Variants in C1R observed in about 807,000 individuals in gnomAD.
C1R encodes complement C1r.
In C1R, 15 loss-of-function variants were observed where a neutral mutation model predicts 27.6. That is an observed-to-expected ratio of 0.54 (90% CI 0.36 to 0.84). The LOEUF is 0.84. C1R is among the 40% of genes least tolerant of loss of function. The pLI, the probability that C1R is intolerant of heterozygous loss-of-function variation, is 0.01. For missense variants in C1R, 544 were observed against 577.9 expected (o/e 0.94, Z 0.60); for synonymous variants, 253 against 228.8 (o/e 1.11, Z -0.95).
chr12:7,088,776 C>T lies in C1R; in HGVS notation c.917-45G>A, dbSNP rs745814436. 1.0e-5 allele frequency: 8 copies of T among 775,610 alleles called. No individual in the cohort carries two copies. In the South Asian group the frequency reaches 1.1e-4, roughly 11 times the overall value. The allele number at this position is 775,610 out of a possible 1,614,324, so 48.0% of individuals were successfully genotyped here. A position where few individuals can be genotyped will look rare whatever the true frequency, so the allele number is the denominator to read the frequency against. Reference sequence around the variant, plus strand: ...GCATATTTATTTCAGAGCCACTTGTCCTTCCTTCTTCCCCCCTTTTCCCCA... The same window carrying T: ...GCATATTTATTTCAGAGCCACTTGTTCTTCCTTCTTCCCCCCTTTTCCCCA... On this transcript the variant is annotated intron_variant, in intron 6 of 10. Transcript: ENST00000647956.
At position 7,080,894 on chromosome 12, in the gene C1R, C is replaced by T. The variant is rs757372137; in HGVS notation, c.1756G>A (p.Asp586Asn). Residue 586 changes from aspartate to asparagine, a missense_variant, in exon 11 of 11, where the codon GAC becomes AAC. Physicochemically the swap from Asp to Asn is conservative, Grantham distance 23. This residue lies in a region of C1R where 253 missense variants were observed against 368.9 expected (regional missense o/e 0.69). Coordinates refer to ENST00000647956, the MANE Select transcript of C1R (RefSeq NM_001733.7). This position sits in a 1 kb window ranked among gnomAD's most constrained non-coding sequence, Gnocchi z 4.9. Reference sequence around the variant, plus strand: ...CTGACATAGCCCATCAAGCCCAGGTCGTAGAAGGTATCGTTGTCAGGGAGG... The same window carrying T: ...CTGACATAGCCCATCAAGCCCAGGTTGTAGAAGGTATCGTTGTCAGGGAGG... ...ICLPDNDTFY[D>N]LGLMGYVSGF... is the part of the protein sequence containing the mutation. 3.7e-6 allele frequency: 6 copies of T among 1,613,470 alleles called. No individual in the cohort carries two copies. The highest frequency in any genetic ancestry group is 2.2e-5 in the South Asian group (2 of 91,078).
chr12:7,086,279 GGA>G (rs1469578148), intron 8 of C1R, 98 bp downstream of exon 8: 1 of 397,720 alleles, frequency 2.5e-6, no homozygotes, highest in African/African-American at 2.1e-5. Context: ...AGGGTCTCTT[GGA>G]AAGAGGCTTA....
Position 7,085,408 on chromosome 12 carries a change from G to C in C1R, c.1273+453C>G, listed in dbSNP as rs1228436109. On this transcript the variant is annotated intron_variant, in intron 9 of 10. Coordinates refer to ENST00000647956, the MANE Select transcript of C1R (RefSeq NM_001733.7). ...TGATGGTGGCATCGGTGTTAGTAATGGTGGTGGTGATAGTGGTGTTGGTAA... is the reference window on the plus strand; with the variant it reads ...TGATGGTGGCATCGGTGTTAGTAATCGTGGTGGTGATAGTGGTGTTGGTAA... 2.6e-5 allele frequency among the ~76,000 whole-genome samples: 4 copies of C among 151,814 alleles called. No homozygotes were observed. In the East Asian group the frequency reaches 7.7e-4, roughly 29 times the overall value.
Position 7,085,909 on chromosome 12 carries a change from G to A in C1R, c.1225C>T (p.Pro409Ser), listed in dbSNP as rs1313428705. 1 of 398,516 alleles carries A rather than the reference G, an allele frequency of 2.5e-6. No individual in the cohort carries two copies. Among genetic ancestry groups the A allele is most frequent in the East Asian group, 3.6e-5 (1 of 28,102 alleles). 24.7% of individuals were successfully genotyped at this position (398,516 alleles called of 1,614,324 possible). A position where few individuals can be genotyped will look rare whatever the true frequency, so the allele number is the denominator to read the frequency against. The change falls in exon 9 of 11, where the codon CCA (proline) becomes TCA (serine). Residue 409 changes from proline (P) to serine (S), a missense_variant. By Grantham distance (74) the Pro-to-Ser change is moderately conservative (BLOSUM62 -1). Coordinates refer to ENST00000647956, the MANE Select transcript of C1R (RefSeq NM_001733.7). The stretch of plus-strand genomic sequence containing the variant: ...GCTCTGGTCTGCATCTTGTAATATG[G>A]CTCATGGCAGTAGTACTGGATACGG... ...KARIQYYCHE[P>S]YYKMQTRAGS...
In C1R at chr12:7,091,610, A is replaced by G. The variant is rs771877169; in HGVS notation, c.73T>C (p.Leu25=). ...AGGSIPIPQK[L]FGEVTSPLFP... ...AGAGGGGAAGTCACCTCCCCAAATA[A>G]CTTCTGAGGGATGGGAATGGAGCCT... Residue 25 remains leucine, a synonymous_variant, in exon 2 of 11, where the codon TTA becomes CTA. Coordinates refer to ENST00000647956, the MANE Select transcript of C1R (RefSeq NM_001733.7). The surrounding 1 kb of genome is among the most constrained non-coding windows in gnomAD (Gnocchi z 5.1). The G allele has an allele frequency of 1.3e-6, 1 of 765,936 alleles. No individual in the cohort carries two copies. Among genetic ancestry groups the G allele is most frequent in the South Asian group, 1.4e-5 (1 of 71,946 alleles). The allele number at this position is 765,936 out of a possible 1,614,324, so 47.4% of individuals were successfully genotyped here.
In C1R at chr12:7,080,751, G is replaced by A. The variant is rs1186406980; in HGVS notation, c.1899C>T (p.Phe633=). ...GTCCAGCACAGAACATGTTTTGAGA[G>A]AACACATCCATCCTATTCTTTCCCC... The part of the protein sequence containing the change: ...WLRGKNRMDV[F]SQNMFCAGHP... Residue 633 remains phenylalanine (F), a synonymous_variant, in exon 11 of 11, where the codon TTC becomes TTT. Coordinates refer to ENST00000647956, the MANE Select transcript of C1R (RefSeq NM_001733.7). This position sits in a 1 kb window ranked among gnomAD's most constrained non-coding sequence, Gnocchi z 4.9. 5 of 1,613,870 alleles carry A rather than the reference G, an allele frequency of 3.1e-6. No homozygotes were observed. The Admixed American group carries it at 6.7e-5, about 22-fold the overall frequency.
chr12:7,086,736 G>C (rs1938162624), intron 7 of C1R: 1 of 304,604 alleles, frequency 3.3e-6, no homozygotes, highest in South Asian at 1.6e-4. Context: ...TGTTCCTACT[G>C]AGGTCCAGTT....
rs376248824 is a variant in C1R at position 7,080,919 on chromosome 12, G to A, written c.1731C>T (p.Cys577=). Residue 577 remains cysteine (C), a synonymous_variant, in exon 11 of 11, where the codon TGC becomes TGT. Coordinates refer to ENST00000647956, the MANE Select transcript of C1R (RefSeq NM_001733.7). The surrounding 1 kb of genome is among the most constrained non-coding windows in gnomAD (Gnocchi z 4.9). The part of the protein sequence containing the change: ...VTLGPNLLPI[C]LPDNDTFYDL... ...CGTAGAAGGTATCGTTGTCAGGGAG[G>A]CAGATGGGGAGGAGGTTGGGACCCA... 1.5e-5 allele frequency: 24 copies of A among 1,613,022 alleles called. No individual in the cohort carries two copies. Among genetic ancestry groups the A allele is most frequent in the Non-Finnish European group, 2.0e-5 (23 of 1,179,134 alleles).
intron 9 of C1R, among the ~76,000 whole-genome samples, chr12:7,083,447 G>T: frequency 6.6e-6 from 1 of 151,648 alleles, no homozygotes. Context: ...GTTTGTAATG[G>T]TGATAGTGAT....
At position 7,081,097 on chromosome 12, in the gene C1R, T is replaced by G; in HGVS notation, c.1553A>C (p.Asp518Ala). ...CACATTTGTGTGGCCCAGGAACACA[T>G]CCAAAGAGGCGTTGCTTTGCGCTTC... ...EHEAQSNASL[D>A]VFLGHTNVEE... is the part of the protein sequence containing the mutation. The change falls in exon 11 of 11, where the codon GAT (aspartate) becomes GCT (alanine). Residue 518 changes from aspartate to alanine, a missense_variant. Around this residue, in one of 2 missense-constraint regions of C1R, gnomAD observed 253 missense variants for 368.9 expected, o/e 0.69. Coordinates refer to ENST00000647956, the MANE Select transcript of C1R (RefSeq NM_001733.7). 1 of 1,613,988 alleles carries G rather than the reference T, an allele frequency of 6.2e-7. No individual in the cohort carries two copies. The highest frequency in any genetic ancestry group is 8.5e-7 in the Non-Finnish European group (1 of 1,179,880).
At chr12:7,084,913 A>G (rs1304527451) in intron 9 of C1R, among the ~76,000 whole-genome samples, 2 of 140,434 alleles carry the variant, frequency 1.4e-5, no homozygotes, top group Non-Finnish European at 3.1e-5. Context: ...TGGTAACAGT[A>G]TAGTGATGAT....
intron 7 of C1R, chr12:7,088,374 G>T: frequency 1.4e-6 from 1 of 698,460 alleles, no homozygotes; most frequent in Non-Finnish European, 2.6e-6. Context: ...TGCTCAGGCT[G>T]GAGTGCAGTG....
Position 7,091,629 on chromosome 12 carries a change from G to A in C1R, c.54C>T (p.Ser18=), listed in dbSNP as rs768175834. Residue 18 remains serine, a synonymous_variant, in exon 2 of 11, where the codon TCC becomes TCT. Transcript: ENST00000647956. The surrounding 1 kb of genome is among the most constrained non-coding windows in gnomAD (Gnocchi z 5.1). The part of the protein sequence containing the change: ...VPALFCRAGG[S]IPIPQKLFGE... ...CAAATAACTTCTGAGGGATGGGAAT[G>A]GAGCCTCCTGCCCTGCAGAACAGGG... 2.6e-6 allele frequency: 2 copies of A among 759,568 alleles called. No homozygotes were observed. Among genetic ancestry groups the A allele is most frequent in the Non-Finnish European group, 4.9e-6 (2 of 407,556 alleles). The allele number at this position is 759,568 out of a possible 1,614,324, so 47.1% of individuals were successfully genotyped here.
Position 7,091,949 on chromosome 12 carries a change from C to T in C1R, c.3-269G>A, listed in dbSNP as rs1228880887. ...TCCCTTTCCAGCCTCCTCCCCTGCC[C>T]GGACGCGTCCCTCCCCTCCCCTTCC... On this transcript the variant is annotated intron_variant, in intron 1 of 10. Coordinates refer to ENST00000647956, the MANE Select transcript of C1R (RefSeq NM_001733.7). This position sits in a 1 kb window ranked among gnomAD's most constrained non-coding sequence, Gnocchi z 5.1. The T allele has an allele frequency of 1.1e-5, 7 of 629,374 alleles. No homozygotes were observed. The highest frequency in any genetic ancestry group is 1.7e-5 in the South Asian group (1 of 60,198). 39.0% of individuals were successfully genotyped at this position (629,374 alleles called of 1,614,324 possible).
rs984595025 is a variant in C1R, at chr12:7,080,460, C to A, written c.*72G>T. The A allele has an allele frequency of 2.4e-5, 36 of 1,508,600 alleles. No individual in the cohort carries two copies. In the East Asian group the frequency reaches 8.0e-4, roughly 33 times the overall value. 93.5% of individuals were successfully genotyped at this position (1,508,600 alleles called of 1,614,324 possible). A position where few individuals can be genotyped will look rare whatever the true frequency, so the allele number is the denominator to read the frequency against. On this transcript the variant is annotated 3_prime_UTR_variant, in exon 11 of 11. Coordinates refer to ENST00000647956, the MANE Select transcript of C1R (RefSeq NM_001733.7). This position sits in a 1 kb window ranked among gnomAD's most constrained non-coding sequence, Gnocchi z 4.9. ...AATAGAGACTCTTAGTGGTTATCAA[C>A]AACTGGTCAGTTGTTTTTTGTTTTT...
At chr12:7,083,279 GTGATGGTGTTGGTAGTGA>G (rs1246651388) in intron 9 of C1R, among the ~76,000 whole-genome samples, 1 of 118,468 alleles carries the variant, frequency 8.4e-6, no homozygotes, top group African/African-American at 3.3e-5. Context: ...AGTATTTGCT[GTGATGGTGTTGGTAGTGA>G]TGATGGTGTT....
intron 5 of C1R, 50 bp from the exon 6 acceptor site, chr12:7,089,036 G>C: frequency 1.5e-6 from 1 of 682,354 alleles, no homozygotes; most frequent in East Asian, 2.7e-5. Flanking sequence ...TTTTTACACA[G>C]GGCCAACTGG....
chr12:7,082,854 G>T (rs1322660385), intron 9 of C1R, among the ~76,000 whole-genome samples: 1 of 152,062 alleles, frequency 6.6e-6, no homozygotes, highest in Non-Finnish European at 1.5e-5. Context: ...ACACTTGCAG[G>T]TGTGTGTTAT....
chr12:7,091,400 A>G lies in C1R; in HGVS notation c.231+52T>C, dbSNP rs1229758486. 1.4e-6 allele frequency: 1 copy of G among 714,040 alleles called. No individual in the cohort carries two copies. Among genetic ancestry groups the G allele is most frequent in the Non-Finnish European group, 2.6e-6 (1 of 384,530 alleles). The allele number at this position is 714,040 out of a possible 1,614,324, so 44.2% of individuals were successfully genotyped here. On this transcript the variant is annotated intron_variant, in intron 2 of 10. Transcript: ENST00000647956. This position sits in a 1 kb window ranked among gnomAD's most constrained non-coding sequence, Gnocchi z 5.1. ...GGTGTGCATGCCATACAGATCCCAG[A>G]TCCCAGAGGGCCCAGTTTTGTCTCC... is the stretch of plus-strand genomic sequence containing the variant.
Sources: allele counts gnomAD v4.1 joint callset (sites outside exome capture counted in the v4.1 genomes callset), GRCh38; gene constraint gnomAD v4.1.1; regional missense constraint gnomAD v4.1.1; non-coding constraint Gnocchi (gnomAD v3.1); transcripts MANE v1.5; gene names NCBI Gene and HGNC (gene_info 2026-07-23, HGNC 2026-07-21).